TAFA4: variants seen among roughly 807,000 people sequenced by gnomAD.
TAFA4 encodes the protein TAFA chemokine like family member 4, also known as chemokine-like protein TAFA-4.
In TAFA4, 20 loss-of-function variants were observed where a neutral mutation model predicts 21.1. That is an observed-to-expected ratio of 0.95 (90% CI 0.67 to 1.38). The LOEUF (loss-of-function observed/expected upper bound fraction) is 1.38, where lower values mean the gene tolerates loss of function less well. TAFA4 is among the 40% of genes most tolerant of loss of function. The probability of loss-of-function intolerance (pLI) is 0.00; values close to 1 mark genes in which losing one functional copy is unlikely to be tolerated. For missense variants in TAFA4, 211 were observed against 180.9 expected (o/e 1.17, Z -0.95); for synonymous variants, 71 against 67.4 (o/e 1.05, Z -0.26).
chr3:68,829,486 T>A (rs536099675), intron 3 of TAFA4, among the ~76,000 whole-genome samples: 1 of 152,356 alleles, frequency 6.6e-6, no homozygotes, highest in East Asian at 1.9e-4. Context: ...TGTGATGGAT[T>A]ACGTTTATTG....
intron 3 of TAFA4, among the ~76,000 whole-genome samples, chr3:68,785,849 CT>C (rs972834133): frequency 4.6e-5 from 7 of 152,224 alleles, no homozygotes; most frequent in African/African-American, 1.7e-4. Flanking sequence ...CACTAGGGCA[CT>C]TTTCTTAAGA....
chr3:68,784,827 T>A lies in TAFA4; in HGVS notation c.131-31809A>T, dbSNP rs188966184. Among the ~76,000 whole-genome samples, 675 of 152,306 alleles carry A rather than the reference T, an allele frequency of 4.4e-3. 4 individuals are homozygous for A. Among genetic ancestry groups the A allele is most frequent in the African/African-American group, 0.016 (653 of 41,558 alleles). ...CGCTGATTGGTGCGTTTACAACCCC[T>A]GAGCTAGACACAAAGGTTCTCCACG... On this transcript the variant is annotated intron_variant, in intron 3 of 5. Transcript: ENST00000295569.
intron 3 of TAFA4, among the ~76,000 whole-genome samples, chr3:68,774,038 G>A (rs1301842209): frequency 1.3e-5 from 2 of 152,100 alleles, no homozygotes; most frequent in African/African-American, 4.8e-5. Context: ...CTTCATCCAG[G>A]AGATGAACTA....
chr3:68,732,345 A>ATATT lies in TAFA4; in HGVS notation c.*793_*796dup, dbSNP rs1702163691. The ATATT allele has an allele frequency of 6.6e-6, 1 of 152,612 alleles. No individual in the cohort carries two copies. Among genetic ancestry groups the ATATT allele is most frequent in the Non-Finnish European group, 1.5e-5 (1 of 68,034 alleles). The allele number at this position is 152,612 out of a possible 1,614,324, so 9.5% of individuals were successfully genotyped here. A position where few individuals can be genotyped will look rare whatever the true frequency, so the allele number is the denominator to read the frequency against. On this transcript the variant is annotated 3_prime_UTR_variant, in exon 6 of 6. Coordinates refer to ENST00000295569, the MANE Select transcript of TAFA4 (RefSeq NM_182522.5). ...CCTTGATCTAAATTGAGATTGTTTT[A>ATATT]TATTTTAAATGATTTACCTACATGA... is the stretch of plus-strand genomic sequence containing the variant.
chr3:68,859,203 G>A (rs2089297155), intron 3 of TAFA4, among the ~76,000 whole-genome samples: 1 of 152,060 alleles, frequency 6.6e-6, no homozygotes, highest in South Asian at 2.1e-4. Context: ...TTACCTATCA[G>A]CCACCACTTT....
chr3:68,855,418 A>G (rs1705048102), intron 3 of TAFA4, among the ~76,000 whole-genome samples: 1 of 152,168 alleles, frequency 6.6e-6, no homozygotes, highest in Non-Finnish European at 1.5e-5. Flanking sequence ...AACAGTTATA[A>G]GAATGTACTT....
chr3:68,763,062 T>C (rs988030555), intron 3 of TAFA4, among the ~76,000 whole-genome samples: 28 of 152,254 alleles, frequency 1.8e-4, no homozygotes, highest in African/African-American at 6.3e-4. Flanking sequence ...TGAGACACAG[T>C]GATGTTTGAG....
intron 3 of TAFA4, among the ~76,000 whole-genome samples, chr3:68,830,634 A>C (rs1704360242): frequency 6.6e-6 from 1 of 152,074 alleles, no homozygotes; most frequent in African/African-American, 2.4e-5. Flanking sequence ...GGAATAAGTG[A>C]GATGTAGTGC....
In TAFA4 at chr3:68,752,734, T is replaced by C. The variant is rs766004073; in HGVS notation, c.286+129A>G. 22 of 1,065,616 alleles carry C rather than the reference T, an allele frequency of 2.1e-5. No homozygotes were observed. The Admixed American group carries it at 3.5e-4, about 17-fold the overall frequency. The allele number at this position is 1,065,616 out of a possible 1,614,324, so 66.0% of individuals were successfully genotyped here. ...ATTTTTGGAGTTGTATTTATGTACA[T>C]TTTTGGATTGACACTGATCTCAAAG... On this transcript the variant is annotated intron_variant, in intron 4 of 5. Transcript: ENST00000295569.
intron 3 of TAFA4, among the ~76,000 whole-genome samples, chr3:68,815,307 A>G (rs568376210): frequency 1.3e-5 from 2 of 152,354 alleles, no homozygotes; most frequent in South Asian, 4.1e-4. Flanking sequence ...GCCAAAATTG[A>G]CAAATGGGAT....
chr3:68,801,819 CAA>C (rs758014406), intron 3 of TAFA4, among the ~76,000 whole-genome samples: 2 of 152,102 alleles, frequency 1.3e-5, no homozygotes, highest in Non-Finnish European at 2.9e-5. Flanking sequence ...CAGATTTGAT[CAA>C]AGTTTACCAA....
chr3:68,783,673 CAG>C lies in TAFA4; in HGVS notation c.131-30657_131-30656del, dbSNP rs1163439201. ...AAGAAAAATCACAGACACACACACA[CAG>C]AGAGAGAGAGAGAGAGAGAGAGAGA... is the stretch of plus-strand genomic sequence containing the variant. On this transcript the variant is annotated intron_variant, in intron 3 of 5. Coordinates refer to ENST00000295569, the MANE Select transcript of TAFA4 (RefSeq NM_182522.5). 5.7e-3 allele frequency among the ~76,000 whole-genome samples: 492 copies of C among 86,092 alleles called. 1 individual carries two copies. The highest frequency in any genetic ancestry group is 9.5e-3 in the African/African-American group (190 of 20,008). 56.5% of individuals were successfully genotyped at this position (86,092 alleles called of 152,430 possible).
At chr3:68,877,438 C>T (rs1244865923) in intron 3 of TAFA4, among the ~76,000 whole-genome samples, 1 of 152,080 alleles carries the variant, frequency 6.6e-6, no homozygotes, top group Non-Finnish European at 1.5e-5. Flanking sequence ...GCCCAGCATC[C>T]ACGAAACTAT....
At chr3:68,813,823 A>G (rs1046863993) in intron 3 of TAFA4, among the ~76,000 whole-genome samples, 2 of 152,192 alleles carry the variant, frequency 1.3e-5, no homozygotes, top group African/African-American at 4.8e-5. Context: ...TTATGAGGAC[A>G]GCATCATCCT....
intron 1 of TAFA4, among the ~76,000 whole-genome samples, chr3:68,916,804 C>A (rs908305258): frequency 5.3e-5 from 8 of 152,140 alleles, no homozygotes; most frequent in African/African-American, 1.9e-4. Flanking sequence ...GTTGGAGAAC[C>A]AACTATTACA....
chr3:68,873,244 T>C (rs2089506927), intron 3 of TAFA4, among the ~76,000 whole-genome samples: 2 of 151,086 alleles, frequency 1.3e-5, no homozygotes, highest in Admixed American at 6.6e-5. Context: ...TGCTCTCACC[T>C]GGAGAGATCA....
intron 3 of TAFA4, among the ~76,000 whole-genome samples, chr3:68,780,943 G>C (rs1703143131): frequency 6.6e-6 from 1 of 151,122 alleles, no homozygotes; most frequent in Non-Finnish European, 1.5e-5. Context: ...TACCTGGCAG[G>C]TTCTTTATCT....
At chr3:68,835,736 G>A (rs1355877691) in intron 3 of TAFA4, among the ~76,000 whole-genome samples, 1 of 152,228 alleles carries the variant, frequency 6.6e-6, no homozygotes, top group African/African-American at 2.4e-5. Context: ...AGAATGCTTA[G>A]AAATGATGAA....
intron 2 of TAFA4, among the ~76,000 whole-genome samples, chr3:68,883,400 G>T (rs1198245275): frequency 6.6e-6 from 1 of 152,174 alleles, no homozygotes; most frequent in Non-Finnish European, 1.5e-5. Flanking sequence ...GATTAGGTCA[G>T]CCCCACCCAG....
Sources: gnomAD v4.1 joint callset for allele counts (sites outside exome capture counted in the v4.1 genomes callset) on GRCh38, gnomAD v4.1.1 for gene constraint, MANE v1.5 for transcripts, NCBI Gene and HGNC (gene_info 2026-07-23, HGNC 2026-07-21) for gene names.